The following STK24 variants were observed in gnomAD, a reference collection of about 807,000 sequenced individuals.
STK24 encodes serine/threonine kinase 24.
A neutral mutation model predicts 55.6 loss-of-function variants in STK24; 21 were observed. That is an observed-to-expected ratio of 0.38 (90% confidence interval 0.27 to 0.54). The LOEUF (loss-of-function observed/expected upper bound fraction) is 0.54. Among genes scored for constraint, STK24 ranks in the 20% least tolerant of loss-of-function variants. The pLI is 0.79. For synonymous variants in STK24, 200 were observed against 215.2 expected (o/e 0.93, Z 0.62); for missense variants, 383 against 538.4 (o/e 0.71, Z 2.86).
chr13:98,469,536 C>A lies in STK24; in HGVS notation c.598-2975G>T, dbSNP rs1191394297. ...GGGTGACAGAGCAAGACCCTGCATC[C>A]CCCCCCCCAAAAAAAAAAGGCGGCG... On this transcript the variant is annotated intron_variant, in intron 5 of 10. Coordinates refer to ENST00000539966, the MANE Select transcript of STK24 (RefSeq NM_001032296.4). Among the ~76,000 whole-genome samples the A allele has an allele frequency of 1.7e-4, 22 of 131,700 alleles. 1 individual carries two copies. The highest frequency in any genetic ancestry group is 1.1e-4 in the African/African-American group (4 of 36,358). 86.4% of individuals were successfully genotyped at this position (131,700 alleles called of 152,430 possible).
Position 98,452,213 on chromosome 13 carries a change from AGAT to A in STK24, c.*957_*959del, listed in dbSNP as rs1357276934. On this transcript the variant is annotated 3_prime_UTR_variant, in exon 11 of 11. Transcript: ENST00000539966. ...GCATTCAGACATTTTTAGGTGGGAAAGATGATATGCAGAATCCACTACAAGGTG... is the reference window on the plus strand; with the variant it reads ...GCATTCAGACATTTTTAGGTGGGAAAGATATGCAGAATCCACTACAAGGTG... 1 of 152,240 alleles carries A rather than the reference AGAT, an allele frequency of 6.6e-6. No individual in the cohort carries two copies. Among genetic ancestry groups the A allele is most frequent in the Non-Finnish European group, 1.5e-5 (1 of 68,042 alleles). The allele number at this position is 152,240 out of a possible 1,614,324, so 9.4% of individuals were successfully genotyped here. A position where few individuals can be genotyped will look rare whatever the true frequency, so the allele number is the denominator to read the frequency against.
chr13:98,530,323 G>T (rs1896549496), intron 1 of STK24, among the ~76,000 whole-genome samples: 1 of 152,184 alleles, frequency 6.6e-6, no homozygotes, highest in South Asian at 2.1e-4. Context: ...CCCCCATAAA[G>T]GAACTAGATT....
In STK24 at chr13:98,475,296, T is replaced by C. The variant is rs762719301; in HGVS notation, c.393A>G (p.Gly131=). 1 of 1,613,906 alleles carries C rather than the reference T, an allele frequency of 6.2e-7. No homozygotes were observed. Among genetic ancestry groups the C allele is most frequent in the East Asian group, 2.2e-5 (1 of 44,866 alleles). The change falls in exon 4 of 11, where the codon GGA becomes GGG. Residue 131 remains glycine, a synonymous_variant. Transcript: ENST00000539966. ...IATILREILK[G]LDYLHSEKKI... ...TCTTCTCCGAATGGAGATAATCGAG[T>C]CCTTTCAGTATTTCTCTTAATATAG... is the stretch of plus-strand genomic sequence containing the variant.
chr13:98,506,223 C>A (rs907205567), intron 2 of STK24, among the ~76,000 whole-genome samples: 40 of 152,144 alleles, frequency 2.6e-4, no homozygotes, highest in African/African-American at 9.7e-4. Flanking sequence ...TAGAGCCCGA[C>A]GGGTCTGAAC....
chr13:98,469,328 C>T (rs1275729814), intron 5 of STK24, among the ~76,000 whole-genome samples: 9 of 152,206 alleles, frequency 5.9e-5, no homozygotes, highest in Admixed American at 5.2e-4. Flanking sequence ...GCAGGCAGAT[C>T]ACTTGAAGCC....
intron 1 of STK24, among the ~76,000 whole-genome samples, chr13:98,540,111 C>A (rs774215100): frequency 2.6e-5 from 4 of 152,178 alleles, no homozygotes; most frequent in Non-Finnish European, 5.9e-5. Flanking sequence ...CAGCCAGTCA[C>A]AAAGGAACAC....
At chr13:98,534,188 C>A (rs1156358259) in intron 1 of STK24, among the ~76,000 whole-genome samples, 1 of 152,226 alleles carries the variant, frequency 6.6e-6, no homozygotes, top group Non-Finnish European at 1.5e-5. Context: ...CCCAGGATCT[C>A]TCAGTGGTTG....
In STK24 at chr13:98,453,163, C is replaced by A. The variant is rs1893278974; in HGVS notation, c.*10G>T. ...AAAGGAAAAACAAAACCCCAAATGCCAAAGGAATTTCAGTGGGATGAAGTT... is the reference window on the plus strand; with the variant it reads ...AAAGGAAAAACAAAACCCCAAATGCAAAAGGAATTTCAGTGGGATGAAGTT... On this transcript the variant is annotated 3_prime_UTR_variant, in exon 11 of 11. Coordinates refer to ENST00000539966, the MANE Select transcript of STK24 (RefSeq NM_001032296.4). 1 of 1,613,540 alleles carries A rather than the reference C, an allele frequency of 6.2e-7. No individual in the cohort carries two copies. Among genetic ancestry groups the A allele is most frequent in the Non-Finnish European group, 8.5e-7 (1 of 1,179,814 alleles).
chr13:98,454,101 A>G (rs201280328), intron 10 of STK24: 1 of 152,164 alleles, frequency 6.6e-6, no homozygotes, highest in Non-Finnish European at 1.5e-5. Context: ...TGTATCCTAA[A>G]TTAAGTACTA....
Position 98,447,031 on chromosome 13 carries a change from G to A in STK24, c.*6142C>T, listed in dbSNP as rs527311288. ...CTTCCCTGCGCCCTTACCCTGCACG[G>A]TGTTGGCTGAGGCCCTAGACATCTT... On this transcript the variant is annotated 3_prime_UTR_variant, in exon 11 of 11. Transcript: ENST00000539966. 1.1e-5 allele frequency: 6 copies of A among 539,440 alleles called. No homozygotes were observed. Among genetic ancestry groups the A allele is most frequent in the South Asian group, 2.3e-5 (1 of 44,282 alleles). 33.4% of individuals were successfully genotyped at this position (539,440 alleles called of 1,614,324 possible).
At chr13:98,528,744 C>T (rs1896500989) in intron 1 of STK24, among the ~76,000 whole-genome samples, 1 of 152,312 alleles carries the variant, frequency 6.6e-6, no homozygotes, top group Middle Eastern at 3.4e-3. Flanking sequence ...TCCAAATGTA[C>T]CACTTGCACA....
intron 5 of STK24, among the ~76,000 whole-genome samples, chr13:98,467,162 T>A (rs961245456): frequency 6.6e-6 from 1 of 152,162 alleles, no homozygotes; most frequent in African/African-American, 2.4e-5. Flanking sequence ...TGTTCAAACA[T>A]ACAAAGAACT....
At chr13:98,563,955 A>G (rs1897499794) in intron 1 of STK24, among the ~76,000 whole-genome samples, 1 of 152,202 alleles carries the variant, frequency 6.6e-6, no homozygotes, top group Non-Finnish European at 1.5e-5. Flanking sequence ...CAAAGCCAAC[A>G]ACCCCAAAAC....
At chr13:98,551,837 T>C (rs1051062464) in intron 1 of STK24, among the ~76,000 whole-genome samples, 1 of 152,190 alleles carries the variant, frequency 6.6e-6, no homozygotes, top group Admixed American at 6.5e-5. Flanking sequence ...GCATTAAACA[T>C]AGCAGACATT....
At chr13:98,486,670 C>T (rs182479210) in intron 2 of STK24, among the ~76,000 whole-genome samples, 3 of 152,208 alleles carry the variant, frequency 2.0e-5, no homozygotes, top group Non-Finnish European at 4.4e-5. Flanking sequence ...CTCCAAACAT[C>T]GTCAGTGTCC....
Position 98,527,929 on chromosome 13 carries a change from G to A in STK24, c.43-8456C>T, listed in dbSNP as rs574055810. Reference sequence around the variant, plus strand: ...GTTCATGCTGGCGTCTTGCAGCCCCGCCAGCTCCTGTACCTCTCTGGGCCT... The same window carrying A: ...GTTCATGCTGGCGTCTTGCAGCCCCACCAGCTCCTGTACCTCTCTGGGCCT... On this transcript the variant is annotated intron_variant, in intron 1 of 10. Coordinates refer to ENST00000539966, the MANE Select transcript of STK24 (RefSeq NM_001032296.4). Among the ~76,000 whole-genome samples, 27 of 152,282 alleles carry A rather than the reference G, an allele frequency of 1.8e-4. No individual in the cohort carries two copies. The South Asian group carries it at 3.3e-3, about 19-fold the overall frequency.
intron 2 of STK24, among the ~76,000 whole-genome samples, chr13:98,495,052 A>T (rs1355450636): frequency 6.6e-6 from 1 of 152,240 alleles, no homozygotes; most frequent in African/African-American, 2.4e-5. Flanking sequence ...TCTAGCACCC[A>T]GCAAACCAGG....
chr13:98,507,769 C>T (rs1895746434), intron 2 of STK24, among the ~76,000 whole-genome samples: 1 of 152,198 alleles, frequency 6.6e-6, no homozygotes, highest in African/African-American at 2.4e-5. Flanking sequence ...TCCAGATCTC[C>T]AGAGCACAGA....
intron 2 of STK24, among the ~76,000 whole-genome samples, chr13:98,503,024 GTTTT>G (rs398038978): frequency 9.3e-6 from 1 of 107,082 alleles, no homozygotes; most frequent in Non-Finnish European, 1.8e-5. Flanking sequence ...CTTTCCATGT[GTTTT>G]TTTTTTTTTT....
Sources: allele counts gnomAD v4.1 joint callset (sites outside exome capture counted in the v4.1 genomes callset), GRCh38; gene constraint gnomAD v4.1.1; transcripts MANE v1.5; gene names NCBI Gene and HGNC (gene_info 2026-07-23, HGNC 2026-07-21).